BTBD9: variants seen among roughly 807,000 people sequenced by gnomAD.
BTBD9 encodes BTB domain containing 9, also known as BTB/POZ domain-containing protein 9.
BTBD9 carries 49 observed loss-of-function variants against 64.3 expected under a neutral mutation model. The observed-to-expected ratio is 0.76, with a 90% CI of 0.61 to 0.97. BTBD9 has a LOEUF of 0.97. BTBD9 is among the 50% of genes least tolerant of loss of function. The pLI, the probability that BTBD9 is intolerant of heterozygous loss-of-function variation, is 0.00. For synonymous variants in BTBD9, 260 were observed against 274.7 expected (o/e 0.95, Z 0.53); for missense variants, 598 against 762.1 (o/e 0.78, Z 2.53).
intron 6 of BTBD9, among the ~76,000 whole-genome samples, chr6:38,464,187 C>T (rs187089276): frequency 2.4e-4 from 36 of 152,252 alleles, no homozygotes; most frequent in African/African-American, 7.2e-4. Flanking sequence ...GGAGAGAGAA[C>T]ACAGAAGAGA....
intron 6 of BTBD9, among the ~76,000 whole-genome samples, chr6:38,544,716 C>G (rs1177492216): frequency 6.6e-6 from 1 of 151,906 alleles, no homozygotes; most frequent in Non-Finnish European, 1.5e-5. Flanking sequence ...CACCTGAGGT[C>G]AGGAGTTCGA....
At chr6:38,489,814 C>T (rs1327869892) in intron 6 of BTBD9, among the ~76,000 whole-genome samples, 1 of 152,200 alleles carries the variant, frequency 6.6e-6, no homozygotes. Flanking sequence ...GTCCTATTCC[C>T]ATTTTTCTTC....
chr6:38,360,523 T>C (rs1334840985), intron 6 of BTBD9, among the ~76,000 whole-genome samples: 3 of 151,996 alleles, frequency 2.0e-5, no homozygotes, highest in Non-Finnish European at 2.9e-5. Context: ...TCCACACAAA[T>C]AGCATGATAG....
intron 10 of BTBD9, 62 bp from the exon 11 acceptor site, chr6:38,175,244 G>GC: frequency 6.4e-7 from 1 of 1,566,398 alleles, no homozygotes; most frequent in Non-Finnish European, 8.7e-7. Context: ...TGGAGTTGCC[G>GC]CAAGTTGGGA....
At chr6:38,182,570 A>G (rs1761607382) in intron 10 of BTBD9, among the ~76,000 whole-genome samples, 1 of 152,166 alleles carries the variant, frequency 6.6e-6, no homozygotes, top group Non-Finnish European at 1.5e-5. Context: ...CTCTCCCCAC[A>G]GGGCTGGCCC....
At chr6:38,521,392 T>TA (rs1773266186) in intron 6 of BTBD9, among the ~76,000 whole-genome samples, 1 of 152,256 alleles carries the variant, frequency 6.6e-6, no homozygotes, top group Non-Finnish European at 1.5e-5. Context: ...GCAGCTTTTC[T>TA]ACTTTAATAC....
At chr6:38,614,615 C>T (rs1475035180) in intron 1 of BTBD9, among the ~76,000 whole-genome samples, 1 of 152,208 alleles carries the variant, frequency 6.6e-6, no homozygotes, top group Non-Finnish European at 1.5e-5. Context: ...ATGCAATGTT[C>T]CCTAGCTCAG....
chr6:38,588,091 C>G (rs552928468), intron 4 of BTBD9: 5 of 732,322 alleles, frequency 6.8e-6, no homozygotes, highest in Admixed American at 3.7e-5. Flanking sequence ...AACAGGCTAG[C>G]TATGGTGCAC....
chr6:38,400,762 A>G (rs1436654540), intron 6 of BTBD9, among the ~76,000 whole-genome samples: 1 of 152,256 alleles, frequency 6.6e-6, no homozygotes, highest in Non-Finnish European at 1.5e-5. Context: ...TCTGATTACA[A>G]AAGTATTCAT....
chr6:38,638,867 C>G (rs1778621226), intron 1 of BTBD9, among the ~76,000 whole-genome samples: 1 of 152,208 alleles, frequency 6.6e-6, no homozygotes, highest in African/African-American at 2.4e-5. Context: ...ACCACAACCC[C>G]TATACATCTA....
chr6:38,231,425 C>T (rs1390412463), intron 9 of BTBD9, among the ~76,000 whole-genome samples: 1 of 152,178 alleles, frequency 6.6e-6, no homozygotes, highest in African/African-American at 2.4e-5. Context: ...ATGAAAAGTA[C>T]CACTTAAGAG....
intron 6 of BTBD9, among the ~76,000 whole-genome samples, chr6:38,511,344 T>A (rs1424353044): frequency 1.4e-5 from 2 of 146,744 alleles, no homozygotes; most frequent in Non-Finnish European, 3.0e-5. Flanking sequence ...AAATGCCTTT[T>A]TTTTTTTTTT....
At chr6:38,544,934 A>C (rs1304758603) in intron 6 of BTBD9, among the ~76,000 whole-genome samples, 1 of 92,620 alleles carries the variant, frequency 1.1e-5, no homozygotes. Context: ...TCTCAAAAAA[A>C]AAAAAAAAAA....
Position 38,398,119 on chromosome 6 carries a change from C to T in BTBD9, c.1155-53026G>A, listed in dbSNP as rs754269777. 4.6e-5 allele frequency among the ~76,000 whole-genome samples: 7 copies of T among 152,122 alleles called. No individual in the cohort carries two copies. In the East Asian group the frequency reaches 5.8e-4, roughly 13 times the overall value. On this transcript the variant is annotated intron_variant, in intron 6 of 10. Transcript: ENST00000481247. ...TTTTAGTAGAGGAGTGACATGACTT[C>T]GTTCGATTTTTACAACTTTCATCAA... is the stretch of plus-strand genomic sequence containing the variant.
chr6:38,176,616 T>C (rs1761263548), intron 10 of BTBD9, among the ~76,000 whole-genome samples: 1 of 152,132 alleles, frequency 6.6e-6, no homozygotes, highest in Non-Finnish European at 1.5e-5. Context: ...CTTCTGTGGG[T>C]CCATCTGCAG....
intron 6 of BTBD9, among the ~76,000 whole-genome samples, chr6:38,533,574 A>T (rs1582590336): frequency 6.6e-6 from 1 of 152,224 alleles, no homozygotes; most frequent in Admixed American, 6.5e-5. Flanking sequence ...ATTTCATCCA[A>T]TGGCTGCAGA....
intron 6 of BTBD9, among the ~76,000 whole-genome samples, chr6:38,421,963 A>G (rs904615157): frequency 6.6e-6 from 1 of 152,262 alleles, no homozygotes; most frequent in Non-Finnish European, 1.5e-5. Flanking sequence ...TAACAGGTTC[A>G]GAATGAAGCA....
At chr6:38,481,091 T>C (rs1453117899) in intron 6 of BTBD9, among the ~76,000 whole-genome samples, 1 of 152,076 alleles carries the variant, frequency 6.6e-6, no homozygotes, top group Non-Finnish European at 1.5e-5. Context: ...GAAATCCCAT[T>C]GAGTAGGGAG....
intron 1 of BTBD9, among the ~76,000 whole-genome samples, chr6:38,628,122 T>C (rs1478943743): frequency 1.3e-5 from 2 of 152,164 alleles, no homozygotes; most frequent in Non-Finnish European, 2.9e-5. Context: ...ACAGAAGACA[T>C]GGGAGTGACA....
Sources: allele counts gnomAD v4.1 joint callset (sites outside exome capture counted in the v4.1 genomes callset), GRCh38; gene constraint gnomAD v4.1.1; transcripts MANE v1.5; gene names NCBI Gene and HGNC (gene_info 2026-07-23, HGNC 2026-07-21).